The following KCNH1 variants were observed in gnomAD, a reference collection of about 807,000 sequenced individuals.
KCNH1 encodes the protein voltage-gated delayed rectifier potassium channel KCNH1.
In KCNH1, 27 loss-of-function variants were observed where a neutral mutation model predicts 69.2. That is an observed-to-expected ratio of 0.39 (90% CI 0.29 to 0.54). The LOEUF (loss-of-function observed/expected upper bound fraction) is 0.54. Ranked by LOEUF, KCNH1 falls within the 20% of genes least tolerant of loss-of-function variation. KCNH1 has a pLI of 0.68. For synonymous variants in KCNH1, 456 were observed against 487.7 expected (o/e 0.93, Z 0.86); for missense variants, 798 against 1,261.6 (o/e 0.63, Z 5.57).
At chr1:210,865,053 G>T (rs1292456484) in intron 7 of KCNH1, among the ~76,000 whole-genome samples, 1 of 152,178 alleles carries the variant, frequency 6.6e-6, no homozygotes, top group African/African-American at 2.4e-5. Context: ...ACTATAATGT[G>T]ACTTCTGCCA....
intron 1 of KCNH1, among the ~76,000 whole-genome samples, chr1:211,124,022 C>A (rs963820652): frequency 6.6e-6 from 1 of 151,994 alleles, no homozygotes; most frequent in Non-Finnish European, 1.5e-5. Flanking sequence ...AGTGTTCCAG[C>A]CAGGTGGGAA....
intron 5 of KCNH1, among the ~76,000 whole-genome samples, chr1:211,050,154 A>G (rs1196328698): frequency 6.8e-6 from 1 of 147,132 alleles, no homozygotes; most frequent in African/African-American, 2.5e-5. Flanking sequence ...CAGCACCTAT[A>G]TGTGTGTTTC....
chr1:210,976,989 A>T (rs956464696), intron 6 of KCNH1, among the ~76,000 whole-genome samples: 1 of 152,050 alleles, frequency 6.6e-6, no homozygotes, highest in African/African-American at 2.4e-5. Flanking sequence ...ACATGCTCCT[A>T]TAAAGACACA....
chr1:210,964,674 C>T (rs986543592), intron 6 of KCNH1, among the ~76,000 whole-genome samples: 2 of 152,064 alleles, frequency 1.3e-5, no homozygotes, highest in Non-Finnish European at 2.9e-5. Flanking sequence ...ACCAGAGATA[C>T]AAGAGGAGCT....
At chr1:211,089,684 A>G (rs1484761191) in intron 4 of KCNH1, among the ~76,000 whole-genome samples, 1 of 152,234 alleles carries the variant, frequency 6.6e-6, no homozygotes, top group East Asian at 1.9e-4. Context: ...TCTTTGCTAC[A>G]TCTCAGAAAA....
chr1:210,696,951 C>T lies in KCNH1; in HGVS notation c.2113-12813G>A, dbSNP rs1681655066. Among the ~76,000 whole-genome samples the T allele has an allele frequency of 2.6e-5, 4 of 152,228 alleles. No homozygotes were observed. In the South Asian group the frequency reaches 8.3e-4, roughly 32 times the overall value. On this transcript the variant is annotated intron_variant, in intron 10 of 10. Coordinates refer to ENST00000271751, the MANE Select transcript of KCNH1 (RefSeq NM_172362.3). Reference sequence around the variant, plus strand: ...AATGCACAGCCATCTCCTGAGCAGGCTGATGCTAACCATTTTACATACCTT... The same window carrying T: ...AATGCACAGCCATCTCCTGAGCAGGTTGATGCTAACCATTTTACATACCTT...
rs557593282 is a variant in KCNH1, at chr1:210,917,046, GCTAAGGCAGGAGAATCA to G, written c.1462+2577_1462+2593del. ...GCCTATAAGCCCAGCTACTTGGGAG[GCTAAGGCAGGAGAATCA>G]CTTGAACCCAAGAAGCAGAGGTTGC... On this transcript the variant is annotated intron_variant, in intron 7 of 10. Coordinates refer to ENST00000271751, the MANE Select transcript of KCNH1 (RefSeq NM_172362.3). Among the ~76,000 whole-genome samples, 40 of 151,918 alleles carry G rather than the reference GCTAAGGCAGGAGAATCA, an allele frequency of 2.6e-4. No individual in the cohort carries two copies. The East Asian group carries it at 6.4e-3, about 24-fold the overall frequency.
chr1:210,982,472 A>G (rs944587167), intron 6 of KCNH1, among the ~76,000 whole-genome samples: 11 of 151,128 alleles, frequency 7.3e-5, no homozygotes, highest in Non-Finnish European at 1.6e-4. Context: ...TCCTGTGTCC[A>G]TGTCTTCTCA....
chr1:210,708,131 A>G (rs1163005118), intron 10 of KCNH1, among the ~76,000 whole-genome samples: 1 of 152,180 alleles, frequency 6.6e-6, no homozygotes, highest in African/African-American at 2.4e-5. Context: ...CCACTGTCTT[A>G]TTCTCCAGGC....
At chr1:210,896,307 A>T (rs1686865528) in intron 7 of KCNH1, among the ~76,000 whole-genome samples, 1 of 152,140 alleles carries the variant, frequency 6.6e-6, no homozygotes, top group African/African-American at 2.4e-5. Context: ...TAAAAAAAAA[A>T]ATGTTACTGA....
rs116530227 is a variant in KCNH1, at chr1:210,716,094, A to G, written c.2113-31956T>C. On this transcript the variant is annotated intron_variant, in intron 10 of 10. Coordinates refer to ENST00000271751, the MANE Select transcript of KCNH1 (RefSeq NM_172362.3). ...CCCCCTCCCCCCGCCATTTCTACTC[A>G]GTTATATTCCATTTCCAATACTTGG... Among the ~76,000 whole-genome samples the G allele has an allele frequency of 9.7e-3, 1,472 of 152,140 alleles. 20 individuals carry two copies. The highest frequency in any genetic ancestry group is 0.034 in the African/African-American group (1,398 of 41,498).
chr1:211,081,232 G>A (rs1003804821), intron 5 of KCNH1, among the ~76,000 whole-genome samples: 5 of 152,188 alleles, frequency 3.3e-5, no homozygotes, highest in African/African-American at 1.2e-4. Context: ...CATCATCACT[G>A]GTCATTAGAG....
chr1:210,787,334 G>T (rs565813105), intron 9 of KCNH1, among the ~76,000 whole-genome samples: 2 of 152,046 alleles, frequency 1.3e-5, no homozygotes, highest in African/African-American at 4.8e-5. Flanking sequence ...TCTCATAGCC[G>T]CTGGATTAGA....
intron 7 of KCNH1, chr1:210,861,577 T>C (rs1685979294): frequency 1.3e-6 from 1 of 772,062 alleles, no homozygotes; most frequent in South Asian, 1.3e-5. Context: ...CTACCCATTC[T>C]GTCAGGTTCT....
rs60620622 is a variant in KCNH1, at chr1:211,060,400, C to CAAAAAAAAAAAAAAA, written c.558+22365_558+22379dup. Among the ~76,000 whole-genome samples the CAAAAAAAAAAAAAAA allele has an allele frequency of 1.3e-3, 58 of 44,328 alleles. 1 individual carries two copies. Among genetic ancestry groups the CAAAAAAAAAAAAAAA allele is most frequent in the African/African-American group, 1.8e-3 (15 of 8,278 alleles). The allele number at this position is 44,328 out of a possible 152,430, so 29.1% of individuals were successfully genotyped here. A position where few individuals can be genotyped will look rare whatever the true frequency, so the allele number is the denominator to read the frequency against. ...TGGGCGACAGAGCGAGACTCCGTCTCAAAAAAAAAAAAAAAAAAAAAAAAA... is the reference window on the plus strand; with the variant it reads ...TGGGCGACAGAGCGAGACTCCGTCTCAAAAAAAAAAAAAAAAAAAAAAAAAAAAAAAAAAAAAAAA... On this transcript the variant is annotated intron_variant, in intron 5 of 10. Coordinates refer to ENST00000271751, the MANE Select transcript of KCNH1 (RefSeq NM_172362.3).
At chr1:210,892,211 T>C (rs185012925) in intron 7 of KCNH1, among the ~76,000 whole-genome samples, 1 of 151,284 alleles carries the variant, frequency 6.6e-6, no homozygotes, top group East Asian at 1.9e-4. Flanking sequence ...TTAAAGTATA[T>C]ATATATGAAA....
intron 6 of KCNH1, among the ~76,000 whole-genome samples, chr1:210,921,084 TG>T (rs374045071): frequency 7.0e-4 from 106 of 152,372 alleles, no homozygotes; most frequent in African/African-American, 2.4e-3. Flanking sequence ...AGTTACCCCT[TG>T]GTTCCCTTCT....
intron 7 of KCNH1, among the ~76,000 whole-genome samples, chr1:210,882,041 G>A (rs1686505261): frequency 1.3e-5 from 2 of 152,258 alleles, no homozygotes; most frequent in South Asian, 4.1e-4. Flanking sequence ...GAGTGACAAT[G>A]ATGTGTCAAT....
chr1:210,775,495 G>A lies in KCNH1; in HGVS notation c.1965C>T (p.Ala655=). ...AGGCCCTAACATTGGCACAGGACTG[G>A]GCAAGGGTGGCTTCCTTCCAGAACA... is the stretch of plus-strand genomic sequence containing the variant. ...GDVFWKEATL[A]QSCANVRALT... Residue 655 remains alanine (A), a synonymous_variant, in exon 10 of 11, where the codon GCC becomes GCT. Coordinates refer to ENST00000271751, the MANE Select transcript of KCNH1 (RefSeq NM_172362.3). 1.2e-6 allele frequency: 2 copies of A among 1,614,000 alleles called. No individual in the cohort carries two copies. The highest frequency in any genetic ancestry group is 1.7e-6 in the Non-Finnish European group (2 of 1,179,918).
Sources: gnomAD v4.1 joint callset for allele counts (sites outside exome capture counted in the v4.1 genomes callset) on GRCh38, gnomAD v4.1.1 for gene constraint, MANE v1.5 for transcripts, NCBI Gene and HGNC (gene_info 2026-07-23, HGNC 2026-07-21) for gene names.